The following TNS1 variants were observed in gnomAD, a reference collection of about 807,000 sequenced individuals.
TNS1 encodes tensin-1.
A neutral mutation model predicts 168.6 loss-of-function variants in TNS1; 62 were observed. The ratio of observed to expected loss-of-function variants is 0.37; its 90% CI spans 0.30 to 0.45. The LOEUF (loss-of-function observed/expected upper bound fraction) is 0.45. TNS1 is among the 20% of genes least tolerant of loss of function. The pLI, the probability that TNS1 is intolerant of heterozygous loss-of-function variation, is 1.00. For synonymous variants in TNS1, 934 were observed against 933.2 expected, an observed-to-expected ratio of 1.00 and a Z score of -0.02; for missense variants, 2,240 against 2,339.4, an observed-to-expected ratio of 0.96 and a Z score of 0.88.
intron 9 of TNS1, 23 bp from the exon 10 acceptor site, chr2:217,893,584 G>A (rs544617752): frequency 1.9e-6 from 3 of 1,589,890 alleles, no homozygotes; most frequent in East Asian, 4.5e-5. Flanking sequence ...CCATGAGTGA[G>A]AAGAGGGCAG....
At chr2:218,015,953 A>G (rs1315969870) in intron 1 of TNS1, among the ~76,000 whole-genome samples, 1 of 152,102 alleles carries the variant, frequency 6.6e-6, no homozygotes, top group African/African-American at 2.4e-5. Flanking sequence ...GGCTCCCACA[A>G]TGAGATTAAA....
Position 217,848,008 on chromosome 2 carries a change from G to C in TNS1, c.2509C>G (p.Leu837Val). The change falls in exon 19 of 33, where the codon CTC becomes GTC. Residue 837 changes from leucine to valine, a missense_variant. By Grantham distance (32) the Leu-to-Val change is conservative. Transcript: ENST00000682258. ...QQEIEQSIET[L>V]NMLMLDLEPA... The stretch of plus-strand genomic sequence containing the variant: ...TCCAGGTCCAGCATCAGCATATTGA[G>C]TGTTTCGATGGACTGTTCAATCTCC... 2 of 1,516,820 alleles carry C rather than the reference G, an allele frequency of 1.3e-6. No homozygotes were observed. Among genetic ancestry groups the C allele is most frequent in the Non-Finnish European group, 1.8e-6 (2 of 1,130,630 alleles). 94.0% of individuals were successfully genotyped at this position (1,516,820 alleles called of 1,614,324 possible). A position where few individuals can be genotyped will look rare whatever the true frequency, so the allele number is the denominator to read the frequency against.
chr2:217,856,407 G>GCCT (rs1948143492), intron 18 of TNS1, among the ~76,000 whole-genome samples: 1 of 152,184 alleles, frequency 6.6e-6, no homozygotes. Context: ...GACAGTCTTG[G>GCCT]CCTCCACCCA....
Position 218,027,097 on chromosome 2 carries a change from G to T in TNS1, c.156+6723C>A, listed in dbSNP as rs138210307. ...TTACGGCAAACACAATACCTGTACC[G>T]CACCCCACCCCACAAACACACACAC... is the stretch of plus-strand genomic sequence containing the variant. On this transcript the variant is annotated intron_variant, in intron 1 of 1. Transcript: ENST00000649572. Among the ~76,000 whole-genome samples, 544 of 151,932 alleles carry T rather than the reference G, an allele frequency of 3.6e-3. 3 individuals carry two copies. The highest frequency in any genetic ancestry group is 0.012 in the African/African-American group (512 of 41,414).
At chr2:217,862,434 T>C (rs566087711) in intron 18 of TNS1, among the ~76,000 whole-genome samples, 1 of 152,314 alleles carries the variant, frequency 6.6e-6, no homozygotes, top group East Asian at 1.9e-4. Context: ...GAGGTGGCCC[T>C]GAGCAGGGCA....
At chr2:217,992,791 G>T (rs146838780) in intron 1 of TNS1, among the ~76,000 whole-genome samples, 1 of 151,994 alleles carries the variant, frequency 6.6e-6, no homozygotes, top group Non-Finnish European at 1.5e-5. Context: ...ACAGAGACAC[G>T]CAGAAACTAA....
chr2:218,031,432 T>G (rs1265283447), intron 1 of TNS1, among the ~76,000 whole-genome samples: 1 of 151,032 alleles, frequency 6.6e-6, no homozygotes, highest in African/African-American at 2.5e-5. Flanking sequence ...TATAAGTGTG[T>G]GTGTGCATGT....
chr2:218,017,286 C>G (rs1342503226), intron 1 of TNS1, among the ~76,000 whole-genome samples: 1 of 152,242 alleles, frequency 6.6e-6, no homozygotes, highest in Non-Finnish European at 1.5e-5. Flanking sequence ...TATGCTCACT[C>G]TGGCTGGTGG....
intron 4 of TNS1, among the ~76,000 whole-genome samples, chr2:217,907,780 C>T (rs890561308): frequency 8.5e-5 from 13 of 152,180 alleles, no homozygotes; most frequent in African/African-American, 2.7e-4. Context: ...GCTTTCAGGC[C>T]ACCCACCACT....
chr2:217,840,514 T>A (rs1260539528), intron 19 of TNS1, among the ~76,000 whole-genome samples: 2 of 152,238 alleles, frequency 1.3e-5, no homozygotes, highest in African/African-American at 2.4e-5. Flanking sequence ...TTGCCCAAGG[T>A]CACAGAGGTG....
intron 1 of TNS1, among the ~76,000 whole-genome samples, chr2:218,008,467 C>T (rs1490724299): frequency 6.6e-6 from 1 of 152,222 alleles, no homozygotes; most frequent in African/African-American, 2.4e-5. Flanking sequence ...CCACTTCAGG[C>T]TCCTTTTCTC....
rs1483013678 is a variant in TNS1 at position 217,812,464 on chromosome 2, C to T, written c.4955-19G>A. ...AGCGATCCTGTAGGGAGGCAGACGGCATGTCATGGGCAGTGATACTGGAAG... is the reference window on the plus strand; with the variant it reads ...AGCGATCCTGTAGGGAGGCAGACGGTATGTCATGGGCAGTGATACTGGAAG... On this transcript the variant is annotated intron_variant, in intron 27 of 32. Transcript: ENST00000682258. 3 of 1,611,284 alleles carry T rather than the reference C, an allele frequency of 1.9e-6. No homozygotes were observed. The highest frequency in any genetic ancestry group is 2.5e-6 in the Non-Finnish European group (3 of 1,177,780).
intron 1 of TNS1, among the ~76,000 whole-genome samples, chr2:217,996,933 A>G (rs1958480798): frequency 1.4e-5 from 2 of 140,816 alleles, no homozygotes; most frequent in Admixed American, 7.0e-5. Flanking sequence ...CCACCCTGCC[A>G]GTCCCAATCC....
chr2:218,014,816 C>T (rs895826992), upstream of TNS1, among the ~76,000 whole-genome samples: 3 of 149,880 alleles, frequency 2.0e-5, no homozygotes, highest in Admixed American at 1.3e-4. Flanking sequence ...CTGCAGGTGG[C>T]CCATAATCAT....
intron 4 of TNS1, among the ~76,000 whole-genome samples, chr2:217,914,706 G>A (rs1174512307): frequency 2.6e-5 from 4 of 152,132 alleles, no homozygotes; most frequent in Admixed American, 1.3e-4. Context: ...GGATGGTCTC[G>A]ATCTCTTGAC....
chr2:217,873,304 G>A (rs999580468), intron 18 of TNS1, among the ~76,000 whole-genome samples: 2 of 152,218 alleles, frequency 1.3e-5, no homozygotes, highest in Non-Finnish European at 2.9e-5. Flanking sequence ...GGTGTAAAAA[G>A]ATTAGAAAGT....
intron 3 of TNS1, among the ~76,000 whole-genome samples, chr2:217,976,032 G>A (rs1316344087): frequency 6.6e-6 from 1 of 152,102 alleles, no homozygotes; most frequent in Non-Finnish European, 1.5e-5. Flanking sequence ...CAGGGCCTTT[G>A]CACCTGCTCT....
chr2:217,978,803 C>G lies in TNS1; in HGVS notation c.149-1G>C. 2.8e-6 allele frequency: 2 copies of G among 702,310 alleles called. No individual in the cohort carries two copies. Among genetic ancestry groups the G allele is most frequent in the Non-Finnish European group, 5.2e-6 (2 of 384,560 alleles). The allele number at this position is 702,310 out of a possible 1,614,324, so 43.5% of individuals were successfully genotyped here. Reference sequence around the variant, plus strand: ...TTCCGATGACAGGAGAAGCTGCAGACTGCAAGAGGGCGAGACACAGAAAGA... The same window carrying G: ...TTCCGATGACAGGAGAAGCTGCAGAGTGCAAGAGGGCGAGACACAGAAAGA... On this transcript the variant is annotated splice_acceptor_variant, in intron 2 of 32. Transcript: ENST00000682258. LOFTEE classifies it high-confidence loss of function.
intron 3 of TNS1, among the ~76,000 whole-genome samples, chr2:217,946,600 T>G (rs1167138819): frequency 1.3e-5 from 2 of 152,296 alleles, no homozygotes; most frequent in South Asian, 2.1e-4. Flanking sequence ...CAGGCTTTGC[T>G]AGGACCCAGG....
Sources: gnomAD v4.1 joint callset for allele counts (sites outside exome capture counted in the v4.1 genomes callset) on GRCh38, gnomAD v4.1.1 for gene constraint, MANE v1.5 for transcripts, NCBI Gene and HGNC (gene_info 2026-07-23, HGNC 2026-07-21) for gene names.